SLC12A7: variants seen among roughly 807,000 people sequenced by gnomAD.
The protein encoded by SLC12A7 is solute carrier family 12 member 7, also known as K-Cl cotransporter 4.
Under a neutral mutation model 120.6 loss-of-function variants are expected in SLC12A7, and 100 were observed. The observed-to-expected ratio is 0.83, with a 90% confidence interval of 0.71 to 0.98. The LOEUF (loss-of-function observed/expected upper bound fraction) is 0.98. Ranked by LOEUF, SLC12A7 falls within the 50% of genes least tolerant of loss-of-function variation. The pLI is 0.00. For synonymous variants in SLC12A7, 760 were observed against 678.0 expected (o/e 1.12, Z -1.88); for missense variants, 1,373 against 1,548.1 (o/e 0.89, Z 1.90).
In SLC12A7 at chr5:1,090,519, C is replaced by T. The variant is rs768599535; in HGVS notation, c.343-1391G>A. On this transcript the variant is annotated intron_variant, in intron 3 of 23. Coordinates refer to ENST00000264930, the MANE Select transcript of SLC12A7 (RefSeq NM_006598.3). ...TTGGTGCAAACGAGAGAAGCGGTGG[C>T]GGATGGTGGAGAACCGGCTTTGGGA... Among the ~76,000 whole-genome samples, 11 of 152,112 alleles carry T rather than the reference C, an allele frequency of 7.2e-5. No individual in the cohort carries two copies. The East Asian group carries it at 9.7e-4, about 13-fold the overall frequency.
At position 1,088,298 on chromosome 5, in the gene SLC12A7, C is replaced by T. The variant is rs1483957843; in HGVS notation, c.544+8G>A. ...GACTCAGGGCCGCGGCTGGCGGGCA[C>T]CCCTTACCTGGGACCACACCGTTGG... On this transcript the variant is annotated splice_region_variant and intron_variant, in intron 5 of 23. Coordinates refer to ENST00000264930, the MANE Select transcript of SLC12A7 (RefSeq NM_006598.3). 6.3e-7 allele frequency: 1 copy of T among 1,582,558 alleles called. No individual in the cohort carries two copies.
chr5:1,129,514 CCCAGGACCAGGA>C, the SLC12A7 span, among the ~76,000 whole-genome samples: 1 of 152,154 alleles, frequency 6.6e-6, no homozygotes, highest in Non-Finnish European at 1.5e-5. Context: ...TCCTGTGACG[CCCAGGACCAGGA>C]CCAGGACCAG....
intron 4 of SLC12A7, among the ~76,000 whole-genome samples, chr5:1,088,670 C>T (rs1049830516): frequency 2.6e-4 from 39 of 152,208 alleles, no homozygotes; most frequent in Non-Finnish European, 5.1e-4. Context: ...CCCCGGGTGC[C>T]GCCCCATGAC....
intron 1 of SLC12A7, among the ~76,000 whole-genome samples, chr5:1,107,400 C>A (rs912530580): frequency 2.0e-5 from 3 of 152,198 alleles, no homozygotes; most frequent in Non-Finnish European, 2.9e-5. Context: ...TAGGACGTGG[C>A]CCCACGTCCA....
intron 10 of SLC12A7, 59 bp from the exon 11 acceptor site, chr5:1,078,817 G>A: frequency 1.6e-6 from 1 of 614,592 alleles, no homozygotes; most frequent in Admixed American, 2.5e-5. Context: ...GGTACGGGGG[G>A]TGGGGTGGGG....
At chr5:1,120,979 T>C in the SLC12A7 span, among the ~76,000 whole-genome samples, 2,678 of 152,334 alleles carry the variant, frequency 0.018, 34 homozygotes, top group African/African-American at 0.036. Context: ...TGCTGCTCCC[T>C]GGGTGCCAGC....
the SLC12A7 span, among the ~76,000 whole-genome samples, chr5:1,122,342 G>C: frequency 1.3e-5 from 2 of 152,120 alleles, no homozygotes; most frequent in African/African-American, 4.8e-5. Context: ...TGAAAATTCT[G>C]GCTGCCCAGC....
At chr5:1,063,407 G>A (rs1579326772) in intron 20 of SLC12A7, among the ~76,000 whole-genome samples, 1 of 152,206 alleles carries the variant, frequency 6.6e-6, no homozygotes. Context: ...ACGGGGTCCC[G>A]GGCCGAGGAG....
At chr5:1,058,113 C>T (rs1456632893) in intron 21 of SLC12A7, among the ~76,000 whole-genome samples, 3 of 152,190 alleles carry the variant, frequency 2.0e-5, no homozygotes, top group Admixed American at 6.5e-5. Flanking sequence ...AGCCAGGGGA[C>T]GTTTGGGGGC....
At chr5:1,078,811 C>CGGGGGGTGGG in intron 10 of SLC12A7, 53 bp from the exon 11 acceptor site, 1 of 132,302 alleles carries the variant, frequency 7.6e-6, no homozygotes, top group South Asian at 6.8e-5. Context: ...TCCTCAGGTA[C>CGGGGGGTGGG]GGGGGGTGGG....
intron 15 of SLC12A7, 65 bp downstream of exon 15, chr5:1,075,306 G>A (rs1343460570): frequency 1.3e-5 from 21 of 1,568,118 alleles, no homozygotes; most frequent in Non-Finnish European, 1.7e-5. Context: ...GCTGCCCCAG[G>A]CATAGCATGA....
chr5:1,104,491 C>T (rs897774841), intron 1 of SLC12A7, among the ~76,000 whole-genome samples: 7 of 152,214 alleles, frequency 4.6e-5, no homozygotes, highest in African/African-American at 1.2e-4. Flanking sequence ...ACCAAGCACA[C>T]GGGCATGCTG....
At chr5:1,057,801 G>T in intron 21 of SLC12A7, 152 bp from the exon 22 acceptor site, 1 of 701,638 alleles carries the variant, frequency 1.4e-6, no homozygotes, top group African/African-American at 1.8e-5. Context: ...TCCCACACTG[G>T]TCCTGCGCCG....
intron 9 of SLC12A7, among the ~76,000 whole-genome samples, chr5:1,079,876 A>T (rs537796585): frequency 2.0e-5 from 3 of 152,240 alleles, no homozygotes; most frequent in East Asian, 3.9e-4. Flanking sequence ...TGGGAATGAG[A>T]TCCTAGAACG....
chr5:1,152,299 C>T, the SLC12A7 span, among the ~76,000 whole-genome samples: 2 of 152,252 alleles, frequency 1.3e-5, no homozygotes, highest in African/African-American at 4.8e-5. Flanking sequence ...AGGGGGCAGT[C>T]ATGCCTGCAA....
the SLC12A7 span, among the ~76,000 whole-genome samples, chr5:1,137,526 C>T: frequency 6.6e-6 from 1 of 152,198 alleles, no homozygotes; most frequent in East Asian, 1.9e-4. Flanking sequence ...GTTGTCCACA[C>T]CTTCCCCCTC....
intron 1 of SLC12A7, among the ~76,000 whole-genome samples, chr5:1,099,577 C>T (rs1389680127): frequency 1.3e-5 from 2 of 152,120 alleles, no homozygotes; most frequent in African/African-American, 4.8e-5. Flanking sequence ...TGGTACCGAC[C>T]TCCACAAAAC....
At chr5:1,061,830 C>G (rs916805224) in intron 20 of SLC12A7, among the ~76,000 whole-genome samples, 2 of 151,832 alleles carry the variant, frequency 1.3e-5, no homozygotes, top group Non-Finnish European at 2.9e-5. Flanking sequence ...GGTATGGTGA[C>G]GTGTACCTGT....
the SLC12A7 span, among the ~76,000 whole-genome samples, chr5:1,127,348 A>G: frequency 2.0e-5 from 3 of 152,256 alleles, no homozygotes; most frequent in Non-Finnish European, 2.9e-5. Context: ...TTGAGGCCAC[A>G]GAGGAGAGGC....
Sources: gnomAD v4.1 joint callset for allele counts (sites outside exome capture counted in the v4.1 genomes callset) on GRCh38, gnomAD v4.1.1 for gene constraint, MANE v1.5 for transcripts, NCBI Gene and HGNC (gene_info 2026-07-23, HGNC 2026-07-21) for gene names.